The following PPIL2 variants were observed in gnomAD, a reference collection of about 807,000 sequenced individuals.
The protein encoded by PPIL2 is peptidylprolyl isomerase like 2, also known as RING-type E3 ubiquitin-protein ligase PPIL2.
A neutral mutation model predicts 75.2 loss-of-function variants in PPIL2; 50 were observed. That is an observed-to-expected ratio of 0.66 (90% confidence interval 0.53 to 0.84). The LOEUF (loss-of-function observed/expected upper bound fraction) is 0.84. Ranked by LOEUF, PPIL2 falls within the 40% of genes least tolerant of loss-of-function variation. The pLI, the probability that PPIL2 is intolerant of heterozygous loss-of-function variation, is 0.00. For missense variants in PPIL2, 590 were observed against 685.0 expected, an observed-to-expected ratio of 0.86 and a Z score of 1.55; for synonymous variants, 245 against 258.8, an observed-to-expected ratio of 0.95 and a Z score of 0.51.
rs1191087086 is a variant in PPIL2, at chr22:21,696,289, C to T, written c.*799C>T. 6.7e-6 allele frequency: 7 copies of T among 1,037,068 alleles called. No homozygotes were observed. Among genetic ancestry groups the T allele is most frequent in the Non-Finnish European group, 7.0e-6 (6 of 861,100 alleles). The allele number at this position is 1,037,068 out of a possible 1,614,324, so 64.2% of individuals were successfully genotyped here. A position where few individuals can be genotyped will look rare whatever the true frequency, so the allele number is the denominator to read the frequency against. ...TGGGCTTCATCTCAAGCCTGCCTGG[C>T]GTCTCTGTGCCCCTGTGAGAATCTT... On this transcript the variant is annotated 3_prime_UTR_variant, in exon 20 of 20. Coordinates refer to ENST00000398831, the MANE Select transcript of PPIL2 (RefSeq NM_014337.4).
At position 21,681,327 on chromosome 22, in the gene PPIL2, C is replaced by G; in HGVS notation, c.324C>G (p.Thr108=). Residue 108 remains threonine, a synonymous_variant, in exon 7 of 20, where the codon ACC becomes ACG. Transcript: ENST00000398831. ...AGTACCACTGCCCAGTGCTGTTTAC[C>G]GTGTTCACCAACAACACCCACATCG... ...EGKYHCPVLF[T]VFTNNTHIVA... 1 of 1,614,066 alleles carries G rather than the reference C, an allele frequency of 6.2e-7. No individual in the cohort carries two copies. The highest frequency in any genetic ancestry group is 8.5e-7 in the Non-Finnish European group (1 of 1,179,924).
intron 1 of PPIL2, among the ~76,000 whole-genome samples, chr22:21,667,517 C>T (rs1393683370): frequency 1.5e-4 from 22 of 151,664 alleles, no homozygotes; most frequent in Admixed American, 1.4e-3. Context: ...CCACTCCCTC[C>T]TTCTGAAGCC....
intron 4 of PPIL2, among the ~76,000 whole-genome samples, chr22:21,672,090 C>T (rs2066655619): frequency 6.6e-6 from 1 of 152,166 alleles, no homozygotes. Flanking sequence ...CTCATTTTCA[C>T]CTGTAGTTTT....
In PPIL2 at chr22:21,666,150, G is replaced by T; in HGVS notation, c.32+19G>T. 1 of 1,608,588 alleles carries T rather than the reference G, an allele frequency of 6.2e-7. No homozygotes were observed. Reference sequence around the variant, plus strand: ...ACAAAATGTAAGTTGAGCCGCAGTCGGGAGCGGCGCTCCACTCTGCCTCAG... The same window carrying T: ...ACAAAATGTAAGTTGAGCCGCAGTCTGGAGCGGCGCTCCACTCTGCCTCAG... On this transcript the variant is annotated intron_variant, in intron 1 of 19. Transcript: ENST00000398831.
chr22:21,694,539 G>A (rs893174961), intron 16 of PPIL2, 54 bp from the exon 17 acceptor site: 146 of 1,598,692 alleles, frequency 9.1e-5, no homozygotes, highest in Middle Eastern at 1.8e-4. Flanking sequence ...GGGCTCAGCC[G>A]TGGGGGTGCC....
At chr22:21,671,110 C>T (rs2066615543) in intron 4 of PPIL2, 51 bp downstream of exon 4, 5 of 1,547,572 alleles carry the variant, frequency 3.2e-6, no homozygotes, top group Admixed American at 1.7e-5. Context: ...TCTCAACACC[C>T]ATTAAGGAAG....
rs748236060 is a variant in PPIL2, at chr22:21,687,016, C to G, written c.897+18C>G. On this transcript the variant is annotated intron_variant, in intron 12 of 19. Coordinates refer to ENST00000398831, the MANE Select transcript of PPIL2 (RefSeq NM_014337.4). ...GCGACCTGGTGGGTGTGGAGGCCAGCCACTCCCCATGCCCCAAGGTCATCT... is the reference window on the plus strand; with the variant it reads ...GCGACCTGGTGGGTGTGGAGGCCAGGCACTCCCCATGCCCCAAGGTCATCT... 1 of 1,605,226 alleles carries G rather than the reference C, an allele frequency of 6.2e-7. No individual in the cohort carries two copies. Among genetic ancestry groups the G allele is most frequent in the African/African-American group, 1.3e-5 (1 of 74,722 alleles).
chr22:21,677,613 C>G (rs903878111), intron 6 of PPIL2, among the ~76,000 whole-genome samples: 2 of 152,130 alleles, frequency 1.3e-5, no homozygotes, highest in Admixed American at 6.5e-5. Context: ...AGGAGAATCA[C>G]GCAGGGAGGT....
chr22:21,677,017 GGCCGGGCGGGGGCTGCCCC>G (rs2066893990), intron 6 of PPIL2, among the ~76,000 whole-genome samples: 2 of 150,438 alleles, frequency 1.3e-5, no homozygotes, highest in East Asian at 2.0e-4. Flanking sequence ...CGGGGCGGCT[GGCCGGGCGGGGGCTGCCCC>G]CCACCTCCCT....
rs534403866 is a variant in PPIL2, at chr22:21,687,953, T to TA, written c.988-119dup. The TA allele has an allele frequency of 9.9e-5, 133 of 1,349,274 alleles. No homozygotes were observed. The South Asian group carries it at 1.5e-3, about 15-fold the overall frequency. The allele number at this position is 1,349,274 out of a possible 1,614,324, so 83.6% of individuals were successfully genotyped here. A position where few individuals can be genotyped will look rare whatever the true frequency, so the allele number is the denominator to read the frequency against. On this transcript the variant is annotated intron_variant, in intron 13 of 19. Coordinates refer to ENST00000398831, the MANE Select transcript of PPIL2 (RefSeq NM_014337.4). ...GGAGGTGGCTGGGAGGGCCCCTCATTATCACCAAGAGCCCAGCCCCTGTGT... is the reference window on the plus strand; with the variant it reads ...GGAGGTGGCTGGGAGGGCCCCTCATTAATCACCAAGAGCCCAGCCCCTGTGT...
chr22:21,696,467 A>G lies in PPIL2; in HGVS notation c.*977A>G, dbSNP rs572042931. 2.1e-5 allele frequency: 26 copies of G among 1,214,304 alleles called. No individual in the cohort carries two copies. The East Asian group carries it at 1.1e-3, about 52-fold the overall frequency. The allele number at this position is 1,214,304 out of a possible 1,614,324, so 75.2% of individuals were successfully genotyped here. A position where few individuals can be genotyped will look rare whatever the true frequency, so the allele number is the denominator to read the frequency against. ...CTCCTCCTGTCAGTCACTGACTCTG[A>G]TGGCCTTGGGCCAGCTGCATCAGCA... On this transcript the variant is annotated 3_prime_UTR_variant, in exon 20 of 20. Transcript: ENST00000398831.
chr22:21,675,156 A>G (rs2066786178), intron 6 of PPIL2, 41 bp downstream of exon 6: 1 of 1,544,422 alleles, frequency 6.5e-7, no homozygotes, highest in Admixed American at 1.7e-5. Flanking sequence ...CTTGACCTGC[A>G]GACCCAAGGG....
At chr22:21,685,017 A>G in intron 10 of PPIL2, 104 bp downstream of exon 10, 1 of 1,454,782 alleles carries the variant, frequency 6.9e-7, no homozygotes, top group Non-Finnish European at 9.2e-7. Flanking sequence ...GGCCTGGGAT[A>G]CACGGCAGGG....
chr22:21,695,866 G>C lies in PPIL2; in HGVS notation c.*376G>C, dbSNP rs372435156. ...AGACAGGGTCTTGCTCTGTTGCCCA[G>C]GCTCCAGTGCAGTGGTGTGATCATG... On this transcript the variant is annotated 3_prime_UTR_variant, in exon 20 of 20. Coordinates refer to ENST00000398831, the MANE Select transcript of PPIL2 (RefSeq NM_014337.4). 48 of 1,113,292 alleles carry C rather than the reference G, an allele frequency of 4.3e-5. No homozygotes were observed. The East Asian group carries it at 1.4e-3, about 33-fold the overall frequency. 69.0% of individuals were successfully genotyped at this position (1,113,292 alleles called of 1,614,324 possible).
At chr22:21,674,947 C>G (rs927399088) in intron 5 of PPIL2, 117 bp from the exon 6 acceptor site, 10 of 910,598 alleles carry the variant, frequency 1.1e-5, no homozygotes, top group African/African-American at 6.6e-5. Flanking sequence ...TCCCTTTTGT[C>G]CAGAGCTGCA....
In PPIL2 at chr22:21,675,308, C is replaced by T. The variant is rs146199793; in HGVS notation, c.295+193C>T. 4.3e-3 allele frequency among the ~76,000 whole-genome samples: 653 copies of T among 152,278 alleles called. 6 individuals are homozygous for T. The highest frequency in any genetic ancestry group is 0.015 in the African/African-American group (611 of 41,554). ...AACCCAGCAGTTTGGGAGGCCGAGGCGGATGGTTCACGAGGTCAAGAGATT... is the reference window on the plus strand; with the variant it reads ...AACCCAGCAGTTTGGGAGGCCGAGGTGGATGGTTCACGAGGTCAAGAGATT... On this transcript the variant is annotated intron_variant, in intron 6 of 19. Transcript: ENST00000398831.
chr22:21,676,490 C>T lies in PPIL2; in HGVS notation c.295+1375C>T, dbSNP rs148027727. ...AAGTGAACAGAGGTCTCTGGTTTTCCTAGGCAGAGGACCCTGCGGCCTTCT... is the reference window on the plus strand; with the variant it reads ...AAGTGAACAGAGGTCTCTGGTTTTCTTAGGCAGAGGACCCTGCGGCCTTCT... On this transcript the variant is annotated intron_variant, in intron 6 of 19. Transcript: ENST00000398831. Among the ~76,000 whole-genome samples, 510 of 151,536 alleles carry T rather than the reference C, an allele frequency of 3.4e-3. 1 individual carries two copies. The highest frequency in any genetic ancestry group is 0.012 in the African/African-American group (491 of 41,268).
intron 7 of PPIL2, 48 bp downstream of exon 7, chr22:21,681,438 C>G: frequency 6.7e-7 from 1 of 1,502,936 alleles, no homozygotes; most frequent in Non-Finnish European, 9.3e-7. Context: ...GAGATCTCTG[C>G]TGTGTGTTCC....
chr22:21,699,261 C>T (rs2068039292), downstream of PPIL2: 1 of 152,460 alleles, frequency 6.6e-6, no homozygotes, highest in Non-Finnish European at 1.5e-5. Flanking sequence ...CTAGCCTTGT[C>T]TGAAGGCAGC....
Sources: allele counts gnomAD v4.1 joint callset (sites outside exome capture counted in the v4.1 genomes callset), GRCh38; gene constraint gnomAD v4.1.1; transcripts MANE v1.5; gene names NCBI Gene and HGNC (gene_info 2026-07-23, HGNC 2026-07-21).